Variants in SULF1 observed in about 807,000 individuals in gnomAD.
SULF1 encodes the protein sulfatase 1, also known as extracellular sulfatase Sulf-1.
SULF1 carries 46 observed loss-of-function variants against 110.5 expected under a neutral mutation model. The ratio of observed to expected loss-of-function variants is 0.42; its 90% CI spans 0.33 to 0.53. SULF1 has a LOEUF of 0.53. SULF1 is among the 20% of genes least tolerant of loss of function. The pLI is 0.12. For synonymous variants in SULF1, 371 were observed against 387.1 expected (o/e 0.96, Z 0.49); for missense variants, 941 against 1,094.2 (o/e 0.86, Z 1.98).
intron 3 of SULF1, among the ~76,000 whole-genome samples, chr8:69,503,242 T>C (rs1222208466): frequency 2.0e-5 from 3 of 152,314 alleles, no homozygotes; most frequent in African/African-American, 7.2e-5. Context: ...GGTTAGTTCT[T>C]TGACATAAAG....
chr8:69,468,590 C>A (rs1205568633), intron 1 of SULF1, among the ~76,000 whole-genome samples: 1 of 152,098 alleles, frequency 6.6e-6, no homozygotes, highest in Non-Finnish European at 1.5e-5. Flanking sequence ...CAAAATAGAT[C>A]CAAGTTCATA....
chr8:69,523,156 G>A (rs537532531), intron 3 of SULF1, among the ~76,000 whole-genome samples: 1 of 152,274 alleles, frequency 6.6e-6, no homozygotes, highest in East Asian at 1.9e-4. Context: ...GTAGAATCTG[G>A]CCCATGGGTA....
At chr8:69,629,976 A>C (rs1184510789) in intron 19 of SULF1, among the ~76,000 whole-genome samples, 1 of 152,200 alleles carries the variant, frequency 6.6e-6, no homozygotes, top group East Asian at 1.9e-4. Flanking sequence ...ACTGTTCTAT[A>C]GCTAAATAAC....
At chr8:69,488,697 C>T (rs1432683100), upstream of SULF1, among the ~76,000 whole-genome samples, 3 of 151,726 alleles carry the variant, frequency 2.0e-5, no homozygotes. Context: ...CTGGGGATGG[C>T]CAAATACACA....
chr8:69,526,609 AAAAAAGAAAG>A (rs1397680630), intron 3 of SULF1, among the ~76,000 whole-genome samples: 3 of 150,400 alleles, frequency 2.0e-5, no homozygotes, highest in Non-Finnish European at 4.4e-5. Flanking sequence ...CAAAAAAAAA[AAAAAAGAAAG>A]AAAGAAAGAA....
At chr8:69,554,715 C>G (rs1211561956) in intron 3 of SULF1, among the ~76,000 whole-genome samples, 2 of 151,790 alleles carry the variant, frequency 1.3e-5, no homozygotes, top group Non-Finnish European at 2.9e-5. Context: ...CGCCGTGGCT[C>G]ACACCTGTAA....
intron 3 of SULF1, among the ~76,000 whole-genome samples, chr8:69,546,994 T>A (rs1421234912): frequency 1.1e-4 from 16 of 152,230 alleles, no homozygotes; most frequent in Non-Finnish European, 1.3e-4. Context: ...CCTTTGCTTG[T>A]CTGTACATTA....
At chr8:69,494,695 A>G (rs967974662) in intron 1 of SULF1, among the ~76,000 whole-genome samples, 3 of 152,168 alleles carry the variant, frequency 2.0e-5, no homozygotes, top group Non-Finnish European at 4.4e-5. Flanking sequence ...AGCTTTGATG[A>G]GATCTGGATT....
At chr8:69,526,307 G>A (rs947369214) in intron 3 of SULF1, among the ~76,000 whole-genome samples, 1 of 152,044 alleles carries the variant, frequency 6.6e-6, no homozygotes, top group African/African-American at 2.4e-5. Flanking sequence ...GTGTCTTGAT[G>A]CAAAAGAGAA....
intron 10 of SULF1, among the ~76,000 whole-genome samples, chr8:69,602,221 T>C (rs1185269776): frequency 6.6e-6 from 1 of 152,076 alleles, no homozygotes; most frequent in Non-Finnish European, 1.5e-5. Flanking sequence ...CCGAAAGAAA[T>C]GTTTTTAAAA....
At chr8:69,560,695 C>G (rs953032508) in intron 3 of SULF1, among the ~76,000 whole-genome samples, 2 of 152,246 alleles carry the variant, frequency 1.3e-5, no homozygotes, top group Admixed American at 6.5e-5. Context: ...TTCTGTCAAG[C>G]TCCGCATTTT....
intron 6 of SULF1, among the ~76,000 whole-genome samples, chr8:69,581,889 A>G (rs1048116868): frequency 1.3e-5 from 2 of 152,186 alleles, no homozygotes; most frequent in African/African-American, 2.4e-5. Context: ...CAAGGCCCCC[A>G]TCAGCCTTGG....
chr8:69,515,820 T>C (rs1302834299), intron 3 of SULF1, among the ~76,000 whole-genome samples: 1 of 152,204 alleles, frequency 6.6e-6, no homozygotes, highest in Non-Finnish European at 1.5e-5. Context: ...TCTCTCAAGT[T>C]CAAAGTTTCA....
intron 13 of SULF1, among the ~76,000 whole-genome samples, chr8:69,618,834 C>A (rs959656831): frequency 6.6e-6 from 1 of 152,170 alleles, no homozygotes; most frequent in African/African-American, 2.4e-5. Context: ...AGACATACAA[C>A]TCCCTTAAGA....
At chr8:69,616,230 A>ATATT (rs1554590241) in intron 13 of SULF1, among the ~76,000 whole-genome samples, 6 of 139,994 alleles carry the variant, frequency 4.3e-5, no homozygotes, top group East Asian at 2.1e-4. Context: ...ATATATATAT[A>ATATT]TTTTTTTGAG....
intron 6 of SULF1, among the ~76,000 whole-genome samples, chr8:69,585,604 G>A (rs1321055309): frequency 6.6e-6 from 1 of 152,152 alleles, no homozygotes; most frequent in Non-Finnish European, 1.5e-5. Flanking sequence ...AGTTATAAAT[G>A]TGAAGGCCTT....
chr8:69,630,320 A>G (rs1470413561), intron 19 of SULF1, among the ~76,000 whole-genome samples: 2 of 152,192 alleles, frequency 1.3e-5, no homozygotes, highest in African/African-American at 4.8e-5. Context: ...AATACCCCAC[A>G]TTCTTATAGT....
chr8:69,601,421 A>T (rs942652335), intron 9 of SULF1, among the ~76,000 whole-genome samples: 1 of 152,248 alleles, frequency 6.6e-6, no homozygotes, highest in Non-Finnish European at 1.5e-5. Flanking sequence ...ACAAGCAAAC[A>T]AAAAGCCTAA....
At chr8:69,486,322 TA>T (rs57385713) in intron 1 of SULF1, among the ~76,000 whole-genome samples, 66,575 of 150,078 alleles carry the variant, frequency 0.44, 15,838 homozygotes, top group East Asian at 0.69. Flanking sequence ...AGGCTTTTTT[TA>T]AAAAAAAAAA....
Sources: allele counts gnomAD v4.1 joint callset (sites outside exome capture counted in the v4.1 genomes callset), GRCh38; gene constraint gnomAD v4.1.1; transcripts MANE v1.5; gene names NCBI Gene and HGNC (gene_info 2026-07-23, HGNC 2026-07-21).